The following FAM234A variants were observed in gnomAD, a reference collection of about 807,000 sequenced individuals.
FAM234A encodes the protein family with sequence similarity 234 member A, also known as protein FAM234A.
A neutral mutation model predicts 49.1 loss-of-function variants in FAM234A; 42 were observed. The ratio of observed to expected loss-of-function variants is 0.86; its 90% CI spans 0.67 to 1.11. FAM234A has a LOEUF of 1.11. FAM234A is among the 50% of genes least tolerant of loss of function. FAM234A has a pLI of 0.00. For missense variants in FAM234A, 815 were observed against 745.2 expected, an observed-to-expected ratio of 1.09 and a Z score of -1.09; for synonymous variants, 369 against 316.2, an observed-to-expected ratio of 1.17 and a Z score of -1.77.
chr16:253,676 G>A (rs907356962), intron 2 of FAM234A, among the ~76,000 whole-genome samples: 18 of 151,948 alleles, frequency 1.2e-4, no homozygotes, highest in Non-Finnish European at 2.4e-4. Flanking sequence ...GGGTTTCACC[G>A]AGTTAGCCAG....
chr16:263,144 GAAA>G, intron 8 of FAM234A, 115 bp from the exon 9 acceptor site: 1 of 1,258,972 alleles, frequency 7.9e-7, no homozygotes, highest in East Asian at 2.3e-5. Context: ...GTAGAACTGA[GAAA>G]CGGGTTATGG....
In FAM234A at chr16:244,095, A is replaced by C. The variant is rs1287125403; in HGVS notation, c.-139-5454A>C. On this transcript the variant is annotated intron_variant, in intron 1 of 12. Transcript: ENST00000399932. Reference sequence around the variant, plus strand: ...ACCATTCTCCTGCCTCAGCCTCCTGAGTAGCTGGGACTACAGGCACCCGCC... The same window carrying C: ...ACCATTCTCCTGCCTCAGCCTCCTGCGTAGCTGGGACTACAGGCACCCGCC... Among the ~76,000 whole-genome samples, 3 of 151,776 alleles carry C rather than the reference A, an allele frequency of 2.0e-5. No homozygotes were observed. The South Asian group carries it at 6.2e-4, about 32-fold the overall frequency.
chr16:265,364 C>T lies in FAM234A; in HGVS notation c.*342C>T. On this transcript the variant is annotated 3_prime_UTR_variant, in exon 13 of 13. Transcript: ENST00000399932. ...TGGGTCATGCAGCACCCCATCCTTACCCGGTGCCCTCTCCTTGCCAGCTTC... is the reference window on the plus strand; with the variant it reads ...TGGGTCATGCAGCACCCCATCCTTATCCGGTGCCCTCTCCTTGCCAGCTTC... 1 of 1,078,962 alleles carries T rather than the reference C, an allele frequency of 9.3e-7. No homozygotes were observed. The highest frequency in any genetic ancestry group is 6.6e-5 in the East Asian group (1 of 15,232). The allele number at this position is 1,078,962 out of a possible 1,614,324, so 66.8% of individuals were successfully genotyped here.
chr16:259,661 G>GTT, intron 4 of FAM234A, 62 bp downstream of exon 4: 1 of 1,066,502 alleles, frequency 9.4e-7, no homozygotes, highest in Non-Finnish European at 1.4e-6. Flanking sequence ...GTCATTTTGG[G>GTT]TCACCCTCTC....
chr16:266,547 G>C (rs750786962), downstream of FAM234A, among the ~76,000 whole-genome samples: 2 of 152,176 alleles, frequency 1.3e-5, no homozygotes, highest in Non-Finnish European at 2.9e-5. Context: ...GTGAGGGGCA[G>C]GCAGGTGCTT....
At position 254,628 on chromosome 16, in the gene FAM234A, G is replaced by C. The variant is rs1176954290; in HGVS notation, c.215G>C (p.Cys72Ser). 1 of 1,613,908 alleles carries C rather than the reference G, an allele frequency of 6.2e-7. No homozygotes were observed. The highest frequency in any genetic ancestry group is 8.5e-7 in the Non-Finnish European group (1 of 1,180,018). ...VVFVVSFVIP[C>S]PDRPASQRMW... The stretch of plus-strand genomic sequence containing the variant: ...TTCGTCGTCTCATTCGTCATCCCGT[G>C]TCCAGACCGGCCGGCGTCACAGCGA... Residue 72 changes from cysteine (C) to serine (S), a missense_variant, in exon 3 of 13, where the codon TGT becomes TCT. Cys to Ser is a moderately radical substitution (Grantham distance 112). Transcript: ENST00000399932.
rs369532869 is a variant in FAM234A at position 260,031 on chromosome 16, G to T, written c.448G>T (p.Glu150Ter). ...GGGGGCCAACGGCAGCACGCTCTGG[G>T]AGAGACCTGTGGCCCAAGACGTGGC... ...VSGANGSTLW[E>*]RPVAQDVALV... Residue 150 changes from glutamate (E) to a stop codon, truncating the protein, a stop_gained, in exon 5 of 13, where the codon GAG becomes TAG. Transcript: ENST00000399932. LOFTEE classifies it high-confidence loss of function. 2.5e-6 allele frequency: 4 copies of T among 1,613,560 alleles called. No homozygotes were observed. In the African/African-American group the frequency reaches 5.3e-5, roughly 22 times the overall value.
Position 260,075 on chromosome 16 carries a change from G to A in FAM234A, c.492G>A (p.Val164=). ...ACGTGGCCCTCGTGGAGTGTGCTGTGCCCCAGCCAAGAGGCAGTGAGGCAC... is the reference window on the plus strand; with the variant it reads ...ACGTGGCCCTCGTGGAGTGTGCTGTACCCCAGCCAAGAGGCAGTGAGGCAC... ...AQDVALVECA[V]PQPRGSEAPS... is the part of the protein sequence containing the mutation. The change falls in exon 5 of 13, where the codon GTG becomes GTA. Residue 164 remains valine (V), a synonymous_variant. Transcript: ENST00000399932. The A allele has an allele frequency of 6.2e-7, 1 of 1,613,790 alleles. No individual in the cohort carries two copies. The highest frequency in any genetic ancestry group is 8.5e-7 in the Non-Finnish European group (1 of 1,180,032).
At chr16:254,122 G>A in intron 2 of FAM234A, 2 of 419,114 alleles carry the variant, frequency 4.8e-6, no homozygotes, top group Non-Finnish European at 8.7e-6. Flanking sequence ...AAGCACCAGC[G>A]TGTTCTGGAT....
intron 2 of FAM234A, chr16:253,967 C>T (rs1477130473): frequency 5.3e-6 from 1 of 189,036 alleles, no homozygotes; most frequent in African/African-American, 2.4e-5. Context: ...TCCAGGGAGT[C>T]CATGTGTGCG....
intron 1 of FAM234A, among the ~76,000 whole-genome samples, chr16:236,556 G>A (rs1436685247): frequency 1.3e-5 from 2 of 151,052 alleles, no homozygotes; most frequent in Non-Finnish European, 3.0e-5. Flanking sequence ...CCGAGAGGCA[G>A]AGGTTGCAGT....
At chr16:255,056 A>G (rs530361931) in intron 3 of FAM234A, among the ~76,000 whole-genome samples, 3 of 151,772 alleles carry the variant, frequency 2.0e-5, no homozygotes, top group Admixed American at 1.3e-4. Context: ...GGGTTTCACC[A>G]TGTTGGTCAG....
intron 2 of FAM234A, among the ~76,000 whole-genome samples, chr16:251,014 T>C (rs1223922787): frequency 6.6e-6 from 1 of 152,160 alleles, no homozygotes; most frequent in Admixed American, 6.5e-5. Flanking sequence ...TGGAGTGCAA[T>C]GGTGCAATCT....
At chr16:241,655 G>A (rs113985387) in intron 1 of FAM234A, among the ~76,000 whole-genome samples, 1 of 151,688 alleles carries the variant, frequency 6.6e-6, no homozygotes, top group Non-Finnish European at 1.5e-5. Context: ...CGGTGGCTCA[G>A]GCCTGTAATC....
intron 1 of FAM234A, among the ~76,000 whole-genome samples, chr16:238,343 A>T (rs967438210): frequency 2.0e-5 from 3 of 152,006 alleles, no homozygotes; most frequent in African/African-American, 7.2e-5. Context: ...TTAAACCACT[A>T]TGCAGCTTAC....
rs758922693 is a variant in FAM234A at position 260,013 on chromosome 16, AACG to A, written c.431_433del (p.Asn144_Gly145delinsSer). 1,902 of 1,613,664 alleles carry A rather than the reference AACG, an allele frequency of 1.2e-3. 1 individual carries two copies. Among genetic ancestry groups the A allele is most frequent in the Non-Finnish European group, 1.4e-3 (1,689 of 1,180,014 alleles). On this transcript the variant is annotated inframe_deletion, in exon 5 of 13. Coordinates refer to ENST00000399932, the MANE Select transcript of FAM234A (RefSeq NM_032039.4). The stretch of plus-strand genomic sequence containing the variant: ...CTTTGCAGCTGCTGTGTCGGGGGCC[AACG>A]GCAGCACGCTCTGGGAGAGACCTGT...
intron 1 of FAM234A, among the ~76,000 whole-genome samples, chr16:242,371 T>C (rs2142245045): frequency 6.6e-6 from 1 of 152,140 alleles, no homozygotes; most frequent in South Asian, 2.1e-4. Context: ...GACACCAACA[T>C]ACCCACCTAA....
chr16:242,830 T>A (rs1259939423), intron 1 of FAM234A, among the ~76,000 whole-genome samples: 3 of 152,058 alleles, frequency 2.0e-5, no homozygotes, highest in African/African-American at 7.2e-5. Flanking sequence ...GCCAAATTGG[T>A]CTCGAACTCC....
intron 3 of FAM234A, 82 bp downstream of exon 3, chr16:254,763 C>T (rs1419552808): frequency 1.4e-6 from 2 of 1,421,630 alleles, no homozygotes; most frequent in Middle Eastern, 2.5e-4. Context: ...ACTGTGTCTG[C>T]GAGTCTAGAA....
Sources: gnomAD v4.1 joint callset for allele counts (sites outside exome capture counted in the v4.1 genomes callset) on GRCh38, gnomAD v4.1.1 for gene constraint, MANE v1.5 for transcripts, NCBI Gene and HGNC (gene_info 2026-07-23, HGNC 2026-07-21) for gene names.